Variants in RPS6KA2 observed in about 807,000 individuals in gnomAD.
RPS6KA2 encodes ribosomal protein S6 kinase A2, also known as ribosomal protein S6 kinase alpha-2.
Under a neutral mutation model 91.8 loss-of-function variants are expected in RPS6KA2, and 42 were observed. The ratio of observed to expected loss-of-function variants is 0.46; its 90% CI spans 0.36 to 0.59. RPS6KA2 has a LOEUF of 0.59. RPS6KA2 is among the 20% of genes least tolerant of loss of function. RPS6KA2 has a pLI of 0.00. For missense variants in RPS6KA2, 798 were observed against 978.5 expected (o/e 0.82, Z 2.46); for synonymous variants, 414 against 393.6 (o/e 1.05, Z -0.61).
Position 166,701,971 on chromosome 6 carries a change from G to T in RPS6KA2, c.123+156229C>A, listed in dbSNP as rs534511764. 6.8e-6 allele frequency: 7 copies of T among 1,034,312 alleles called. No individual in the cohort carries two copies. The South Asian group carries it at 7.6e-5, about 11-fold the overall frequency. 64.1% of individuals were successfully genotyped at this position (1,034,312 alleles called of 1,614,324 possible). Reference sequence around the variant, plus strand: ...CTTTACCAATAAGACGGCCAACAAAGTTATTTTGAGCTAAAATCTTCAAGG... The same window carrying T: ...CTTTACCAATAAGACGGCCAACAAATTTATTTTGAGCTAAAATCTTCAAGG... On this transcript the variant is annotated intron_variant, in intron 2 of 21. Transcript: ENST00000503859.
At chr6:166,710,507 TGTG>T (rs1789814130) in intron 2 of RPS6KA2, among the ~76,000 whole-genome samples, 18 of 134,346 alleles carry the variant, frequency 1.3e-4, no homozygotes, top group Non-Finnish European at 2.8e-4. Flanking sequence ...TGTGTGTGTG[TGTG>T]GTGTGTGTGT....
intron 2 of RPS6KA2, among the ~76,000 whole-genome samples, chr6:166,678,146 C>T (rs937687312): frequency 5.3e-5 from 8 of 152,188 alleles, no homozygotes; most frequent in Non-Finnish European, 1.0e-4. Context: ...ATATGCCAGC[C>T]GTCAAGTTGT....
intron 3 of RPS6KA2, among the ~76,000 whole-genome samples, chr6:166,519,922 G>A (rs982118081): frequency 2.0e-5 from 3 of 152,184 alleles, no homozygotes; most frequent in South Asian, 2.1e-4. Context: ...GAGAGCTGGT[G>A]AACCATGATT....
chr6:166,835,111 A>G (rs571593979), intron 2 of RPS6KA2, among the ~76,000 whole-genome samples: 3 of 152,342 alleles, frequency 2.0e-5, no homozygotes, highest in South Asian at 4.1e-4. Flanking sequence ...TCAAAAATCA[A>G]TTGACCACAG....
intron 3 of RPS6KA2, among the ~76,000 whole-genome samples, chr6:166,511,216 GC>G (rs1420670389): frequency 6.6e-6 from 1 of 152,000 alleles, no homozygotes; most frequent in African/African-American, 2.4e-5. Flanking sequence ...GAACCTGTGG[GC>G]TGATATCTGG....
At chr6:166,721,282 G>C (rs1790166009) in intron 2 of RPS6KA2, among the ~76,000 whole-genome samples, 1 of 152,180 alleles carries the variant, frequency 6.6e-6, no homozygotes, top group South Asian at 2.1e-4. Context: ...TTCCTCAAAA[G>C]ACTGCAGCCT....
chr6:166,488,814 G>T lies in RPS6KA2; in HGVS notation c.907+19C>A, dbSNP rs377063072. The T allele has an allele frequency of 6.3e-6, 10 of 1,597,466 alleles. No homozygotes were observed. The highest frequency in any genetic ancestry group is 8.6e-6 in the Non-Finnish European group (10 of 1,167,566). On this transcript the variant is annotated intron_variant, in intron 10 of 20. Coordinates refer to ENST00000265678, the MANE Select transcript of RPS6KA2 (RefSeq NM_021135.6). ...GCGCCCTGCACGTTCCCGTGGTGGG[G>T]TGTCCCGGGGAATCTTACCCAGCCG... is the stretch of plus-strand genomic sequence containing the variant.
At chr6:166,611,990 T>C (rs761624650) in intron 1 of RPS6KA2, among the ~76,000 whole-genome samples, 14 of 152,190 alleles carry the variant, frequency 9.2e-5, no homozygotes, top group Non-Finnish European at 1.3e-4. Flanking sequence ...AAAAACAAGG[T>C]AGGCTTGGCT....
intron 2 of RPS6KA2, among the ~76,000 whole-genome samples, chr6:166,641,809 A>G (rs1787447443): frequency 6.7e-6 from 1 of 148,392 alleles, no homozygotes; most frequent in Non-Finnish European, 1.5e-5. Context: ...TCCAACAAAG[A>G]GTTGGTAAAA....
intron 1 of RPS6KA2, among the ~76,000 whole-genome samples, chr6:166,861,924 G>C (rs539559436): frequency 6.6e-6 from 1 of 152,174 alleles, no homozygotes; most frequent in African/African-American, 2.4e-5. Flanking sequence ...GTATACACAC[G>C]CAATGTTTAT....
At chr6:166,615,048 G>T (rs901581479) in intron 1 of RPS6KA2, among the ~76,000 whole-genome samples, 1 of 151,976 alleles carries the variant, frequency 6.6e-6, no homozygotes, top group Non-Finnish European at 1.5e-5. Flanking sequence ...GAGCACCTGC[G>T]TCAGGGCTGG....
chr6:166,672,040 G>A (rs1027362360), intron 2 of RPS6KA2, among the ~76,000 whole-genome samples: 6 of 152,174 alleles, frequency 3.9e-5, no homozygotes, highest in African/African-American at 7.2e-5. Context: ...CCAAGTGCAC[G>A]ACCTCAGCAT....
chr6:166,412,731 G>T lies in RPS6KA2; in HGVS notation c.*31C>A, dbSNP rs113791624. On this transcript the variant is annotated 3_prime_UTR_variant, in exon 21 of 21. Coordinates refer to ENST00000265678, the MANE Select transcript of RPS6KA2 (RefSeq NM_021135.6). The surrounding 1 kb of genome is among the most constrained non-coding windows in gnomAD (Gnocchi z 4.3). Reference sequence around the variant, plus strand: ...GGTCTGTGAGCCCACGAGGATGCTGGCAGGGGACGCTGGGGCCAGGGTCCC... The same window carrying T: ...GGTCTGTGAGCCCACGAGGATGCTGTCAGGGGACGCTGGGGCCAGGGTCCC... The T allele has an allele frequency of 1.4e-4, 225 of 1,564,018 alleles. 2 individuals carry two copies. In the African/African-American group the frequency reaches 2.6e-3, roughly 18 times the overall value.
intron 2 of RPS6KA2, among the ~76,000 whole-genome samples, chr6:166,663,092 A>G (rs1006664589): frequency 6.6e-6 from 1 of 152,140 alleles, no homozygotes; most frequent in Non-Finnish European, 1.5e-5. Flanking sequence ...TTCTAAAAGG[A>G]TGAACCAATC....
intron 12 of RPS6KA2, among the ~76,000 whole-genome samples, chr6:166,456,895 A>G (rs1780122048): frequency 1.3e-5 from 2 of 152,112 alleles, no homozygotes; most frequent in East Asian, 1.9e-4. Flanking sequence ...ACTGGAGTGC[A>G]TTGTGTCTAA....
chr6:166,755,726 C>G (rs928833066), intron 2 of RPS6KA2, among the ~76,000 whole-genome samples: 3 of 152,184 alleles, frequency 2.0e-5, no homozygotes, highest in African/African-American at 7.2e-5. Flanking sequence ...TTACTGACAT[C>G]TTTCGGACGT....
chr6:166,781,376 T>C (rs1023084914), intron 2 of RPS6KA2, among the ~76,000 whole-genome samples: 4 of 152,162 alleles, frequency 2.6e-5, no homozygotes, highest in Non-Finnish European at 5.9e-5. Context: ...CCCCCTGGCG[T>C]GCTCCCAGGG....
At chr6:166,636,617 C>T (rs765083112) in intron 2 of RPS6KA2, among the ~76,000 whole-genome samples, 6 of 152,094 alleles carry the variant, frequency 3.9e-5, no homozygotes, top group Non-Finnish European at 7.4e-5. Flanking sequence ...CCAGTAATCA[C>T]AATATAAGGC....
chr6:166,545,386 T>C (rs1454899270), intron 1 of RPS6KA2, among the ~76,000 whole-genome samples: 1 of 151,838 alleles, frequency 6.6e-6, no homozygotes, highest in Non-Finnish European at 1.5e-5. Flanking sequence ...AATCTAGGAG[T>C]GGGCTGGCTG....
Sources: allele counts gnomAD v4.1 joint callset (sites outside exome capture counted in the v4.1 genomes callset), GRCh38; gene constraint gnomAD v4.1.1; non-coding constraint Gnocchi (gnomAD v3.1); transcripts MANE v1.5; gene names NCBI Gene and HGNC (gene_info 2026-07-23, HGNC 2026-07-21).